RACGAP1: variants seen among roughly 807,000 people sequenced by gnomAD.
The protein encoded by RACGAP1 is rac GTPase-activating protein 1.
Under a neutral mutation model 78.1 loss-of-function variants are expected in RACGAP1, and 30 were observed. That is an observed-to-expected ratio of 0.38 (90% CI 0.29 to 0.52). The LOEUF is 0.52. Ranked by LOEUF, RACGAP1 falls within the 20% of genes least tolerant of loss-of-function variation. The pLI is 0.82. For missense variants in RACGAP1, 587 were observed against 777.1 expected, an observed-to-expected ratio of 0.76 and a Z score of 2.91; for synonymous variants, 231 against 264.8, an observed-to-expected ratio of 0.87 and a Z score of 1.24.
chr12:50,019,739 C>A (rs867154803), intron 1 of RACGAP1: 1 of 59,242 alleles, frequency 1.7e-5, no homozygotes. Context: ...GGTCCTGGGA[C>A]AAACCTTTAG....
At chr12:50,001,138 G>A in intron 7 of RACGAP1, 34 bp downstream of exon 7, 4 of 1,489,036 alleles carry the variant, frequency 2.7e-6, no homozygotes, top group Middle Eastern at 1.7e-4. Flanking sequence ...CTTGGGGCCA[G>A]TAATCTCTGT....
chr12:50,001,472 GA>G (rs1185634331), intron 6 of RACGAP1, among the ~76,000 whole-genome samples: 1 of 152,026 alleles, frequency 6.6e-6, no homozygotes, highest in Non-Finnish European at 1.5e-5. Flanking sequence ...CAGTGCCCTA[GA>G]AAAAATGAGC....
rs1323410159 is a variant in RACGAP1 at position 50,016,755 on chromosome 12, C to T, written c.-4-36G>A. The T allele has an allele frequency of 1.2e-5, 19 of 1,597,266 alleles. No homozygotes were observed. In the Admixed American group the frequency reaches 3.2e-4, roughly 27 times the overall value. ...ATCAAATATACATTAGGGGTCCTGC[C>T]TTCTCGCCCACAACAAAAGATTCTA... On this transcript the variant is annotated intron_variant, in intron 1 of 16. Transcript: ENST00000312377.
chr12:50,021,163 T>C (rs1949985753), intron 1 of RACGAP1: 3 of 970,532 alleles, frequency 3.1e-6, no homozygotes, highest in African/African-American at 1.8e-5. Flanking sequence ...ATTTAGTCCA[T>C]AGCTAGGAGA....
Position 50,005,396 on chromosome 12 carries a change from C to T in RACGAP1, c.289-4G>A. On this transcript the variant is annotated splice_polypyrimidine_tract_variant and splice_region_variant and intron_variant, in intron 3 of 16. Transcript: ENST00000312377. ...GAATCAGCTGAATCTGTCGTTCCTA[C>T]AGACCAAAGCAAAGTAAAACATCAT... 1 of 1,613,936 alleles carries T rather than the reference C, an allele frequency of 6.2e-7. No individual in the cohort carries two copies.
At chr12:50,020,819 G>A (rs1949967784) in intron 1 of RACGAP1, among the ~76,000 whole-genome samples, 1 of 152,138 alleles carries the variant, frequency 6.6e-6, no homozygotes, top group African/African-American at 2.4e-5. Flanking sequence ...TTCTAGATGA[G>A]GTTTGCTGCT....
chr12:50,006,036 G>C (rs1948955230), intron 3 of RACGAP1, among the ~76,000 whole-genome samples: 1 of 152,202 alleles, frequency 6.6e-6, no homozygotes, highest in Non-Finnish European at 1.5e-5. Flanking sequence ...TGTCTTGCCT[G>C]TATGTATGAC....
At chr12:50,005,778 G>A (rs1444109467) in intron 3 of RACGAP1, among the ~76,000 whole-genome samples, 3 of 152,220 alleles carry the variant, frequency 2.0e-5, no homozygotes, top group Non-Finnish European at 4.4e-5. Flanking sequence ...AAGTAGTGGA[G>A]CAAAATGCAT....
In RACGAP1 at chr12:49,996,668, A is replaced by T. The variant is rs536273110; in HGVS notation, c.1044+372T>A. Among the ~76,000 whole-genome samples, 1,161 of 129,288 alleles carry T rather than the reference A, an allele frequency of 9.0e-3. 54 individuals carry two copies. The highest frequency in any genetic ancestry group is 0.041 in the African/African-American group (1,085 of 26,384). 84.8% of individuals were successfully genotyped at this position (129,288 alleles called of 152,430 possible). Reference sequence around the variant, plus strand: ...AAAAAAAAAAAAAAAAAAAAAAAAAATGGACACAAGTTAGTAATCATGGAA... The same window carrying T: ...AAAAAAAAAAAAAAAAAAAAAAAAATTGGACACAAGTTAGTAATCATGGAA... On this transcript the variant is annotated intron_variant, in intron 10 of 16. Coordinates refer to ENST00000312377, the MANE Select transcript of RACGAP1 (RefSeq NM_001319999.2).
chr12:50,000,018 A>ATTTTTTTTTTTTTTTTTTTT (rs757681041), intron 7 of RACGAP1, among the ~76,000 whole-genome samples: 2 of 99,642 alleles, frequency 2.0e-5, no homozygotes, highest in African/African-American at 3.8e-5. Flanking sequence ...CACCTGACTG[A>ATTTTTTTTTTTTTTTTTTTT]TTTTTTTTTT....
At chr12:49,991,479 A>ATTTT (rs1197357619) in intron 15 of RACGAP1, among the ~76,000 whole-genome samples, 9 of 24,088 alleles carry the variant, frequency 3.7e-4, no homozygotes, top group East Asian at 9.8e-4. Context: ...ATATATATAT[A>ATTTT]TTTTTTTTTT....
At chr12:50,006,756 G>T in intron 2 of RACGAP1, 120 bp from the exon 3 acceptor site, 1 of 988,238 alleles carries the variant, frequency 1.0e-6, no homozygotes, top group Non-Finnish European at 1.5e-6. Context: ...CTGAACTATG[G>T]GCAAATCCAG....
chr12:50,031,171 G>A (rs549643080), intron 2 of RACGAP1, among the ~76,000 whole-genome samples: 2 of 151,790 alleles, frequency 1.3e-5, no homozygotes, highest in Non-Finnish European at 2.9e-5. Context: ...ACTTCAACTT[G>A]CCTTCTAATA....
intron 1 of RACGAP1, among the ~76,000 whole-genome samples, chr12:50,022,760 T>TAA (rs1199418668): frequency 8.5e-5 from 13 of 152,232 alleles, no homozygotes; most frequent in Non-Finnish European, 1.8e-4. Context: ...ATGTTTCCAT[T>TAA]AAGTTCTAAA....
intron 6 of RACGAP1, among the ~76,000 whole-genome samples, 179 bp from the exon 7 acceptor site, chr12:50,001,431 T>C (rs1262198536): frequency 4.6e-5 from 7 of 152,164 alleles, no homozygotes; most frequent in Non-Finnish European, 5.9e-5. Context: ...AATAAGCTGT[T>C]TCAAAAGAAT....
intron 1 of RACGAP1, chr12:50,021,214 A>T (rs1949988131): frequency 4.1e-6 from 3 of 734,038 alleles, no homozygotes; most frequent in Non-Finnish European, 3.3e-6. Context: ...GTCATATTGT[A>T]GTACATTGCT....
chr12:50,022,125 C>T (rs1335835451), intron 1 of RACGAP1, among the ~76,000 whole-genome samples: 1 of 152,180 alleles, frequency 6.6e-6, no homozygotes, highest in Non-Finnish European at 1.5e-5. Flanking sequence ...GTGAATTCTT[C>T]CTATTCTGGT....
chr12:50,000,018 A>ATGTTTTTTTT (rs1555172403), intron 7 of RACGAP1, among the ~76,000 whole-genome samples: 1 of 99,642 alleles, frequency 1.0e-5, no homozygotes, highest in Admixed American at 1.4e-4. Context: ...CACCTGACTG[A>ATGTTTTTTTT]TTTTTTTTTT....
rs957945960 is a variant in RACGAP1 at position 50,001,326 on chromosome 12, AAAC to A, written c.550-77_550-75del. On this transcript the variant is annotated intron_variant, in intron 6 of 16. Transcript: ENST00000312377. The stretch of plus-strand genomic sequence containing the variant: ...GCACAGAAGATAAAATTATTCCATC[AAAC>A]AACTTGGATACAGGTCCTGGGGATT... 4 of 1,260,970 alleles carry A rather than the reference AAAC, an allele frequency of 3.2e-6. No homozygotes were observed. The African/African-American group carries it at 5.9e-5, about 19-fold the overall frequency. 78.1% of individuals were successfully genotyped at this position (1,260,970 alleles called of 1,614,324 possible).
Sources: allele counts gnomAD v4.1 joint callset (sites outside exome capture counted in the v4.1 genomes callset), GRCh38; gene constraint gnomAD v4.1.1; transcripts MANE v1.5; gene names NCBI Gene and HGNC (gene_info 2026-07-23, HGNC 2026-07-21).